JARID2: variants seen among roughly 807,000 people sequenced by gnomAD.
The protein encoded by JARID2 is protein Jumonji.
A neutral mutation model predicts 125.6 loss-of-function variants in JARID2; 21 were observed. That is an observed-to-expected ratio of 0.17 (90% confidence interval 0.12 to 0.24). The LOEUF is 0.24. Ranked by LOEUF, JARID2 falls within the 10% of genes least tolerant of loss-of-function variation. The pLI is 1.00. For missense variants in JARID2, 1,303 were observed against 1,639.6 expected (o/e 0.79, Z 3.55); for synonymous variants, 736 against 661.6 (o/e 1.11, Z -1.73).
intron 1 of JARID2, among the ~76,000 whole-genome samples, chr6:15,263,243 T>G (rs1007738175): frequency 1.3e-5 from 2 of 152,080 alleles, no homozygotes; most frequent in African/African-American, 4.8e-5. Context: ...TGTGCTGGAA[T>G]CATATGCTCC....
At chr6:15,497,812 G>T (rs1297661079) in intron 7 of JARID2, among the ~76,000 whole-genome samples, 2 of 152,130 alleles carry the variant, frequency 1.3e-5, no homozygotes, top group Non-Finnish European at 2.9e-5. Context: ...ATTCCACACT[G>T]GATTATAGAG....
chr6:15,433,572 G>A (rs1167130828), intron 3 of JARID2, among the ~76,000 whole-genome samples: 1 of 151,950 alleles, frequency 6.6e-6, no homozygotes, highest in Admixed American at 6.6e-5. Context: ...ATTTAATCTT[G>A]GATTTCCTTT....
intron 1 of JARID2, among the ~76,000 whole-genome samples, chr6:15,311,818 G>A (rs1210217196): frequency 6.7e-6 from 1 of 149,840 alleles, no homozygotes; most frequent in African/African-American, 2.5e-5. Flanking sequence ...AAGGGAGTTT[G>A]TATTGTAAAA....
At chr6:15,257,450 T>C (rs1480783989) in intron 1 of JARID2, among the ~76,000 whole-genome samples, 2 of 152,360 alleles carry the variant, frequency 1.3e-5, no homozygotes, top group East Asian at 3.9e-4. Context: ...TAACTTGTCA[T>C]GGTAATCAAA....
At chr6:15,421,173 A>G (rs6941859) in intron 3 of JARID2, among the ~76,000 whole-genome samples, 20,211 of 152,046 alleles carry the variant, frequency 0.13, 1,461 homozygotes, top group Middle Eastern at 0.18. Flanking sequence ...AGTGAGCTGG[A>G]GGGATCATTT....
intron 2 of JARID2, among the ~76,000 whole-genome samples, chr6:15,403,790 A>G (rs980442252): frequency 2.6e-5 from 4 of 152,158 alleles, no homozygotes; most frequent in Non-Finnish European, 5.9e-5. Flanking sequence ...TGATTTACAA[A>G]TCAGTATTTA....
chr6:15,516,488 C>T (rs1311884318), intron 16 of JARID2, among the ~76,000 whole-genome samples: 2 of 152,194 alleles, frequency 1.3e-5, no homozygotes, highest in African/African-American at 4.8e-5. Context: ...TGTCCACTGG[C>T]GGGACAGCTG....
chr6:15,381,081 C>T (rs1244933807), intron 2 of JARID2, among the ~76,000 whole-genome samples: 3 of 151,332 alleles, frequency 2.0e-5, no homozygotes, highest in African/African-American at 7.3e-5. Context: ...GGGCCGGGCG[C>T]GGTGGCTCAC....
At chr6:15,457,437 G>A (rs769846969) in intron 4 of JARID2, among the ~76,000 whole-genome samples, 1 of 152,140 alleles carries the variant, frequency 6.6e-6, no homozygotes, top group African/African-American at 2.4e-5. Context: ...ACCATAAAGA[G>A]CTCAGTCAGC....
intron 1 of JARID2, chr6:15,369,427 C>T (rs539796457): frequency 3.0e-6 from 1 of 332,750 alleles, no homozygotes; most frequent in Non-Finnish European, 6.3e-6. Context: ...GGAGCCATCA[C>T]TTCTCCTCTA....
rs182786268 is a variant in JARID2, at chr6:15,452,621, C to T, written c.493+446C>T. 2.6e-5 allele frequency among the ~76,000 whole-genome samples: 4 copies of T among 152,270 alleles called. No homozygotes were observed. In the East Asian group the frequency reaches 7.7e-4, roughly 29 times the overall value. ...ATGGTGATGAGGGACTTACGGTTCT[C>T]TCAGCCCTATATTACGTTAAGGAAA... On this transcript the variant is annotated intron_variant, in intron 4 of 17. Coordinates refer to ENST00000341776, the MANE Select transcript of JARID2 (RefSeq NM_004973.4).
chr6:15,260,538 G>A (rs894876818), intron 1 of JARID2, among the ~76,000 whole-genome samples: 1 of 152,094 alleles, frequency 6.6e-6, no homozygotes, highest in Non-Finnish European at 1.5e-5. Context: ...TGAAGAGGTC[G>A]GGAAATACTT....
Position 15,496,754 on chromosome 6 carries a change from G to A in JARID2, c.1529G>A (p.Gly510Asp), listed in dbSNP as rs749198181. 6.2e-7 allele frequency: 1 copy of A among 1,613,638 alleles called. No individual in the cohort carries two copies. Among genetic ancestry groups the A allele is most frequent in the African/African-American group, 1.3e-5 (1 of 75,074 alleles). Residue 510 changes from glycine to aspartate, a missense_variant, in exon 7 of 18, where the codon GGC (glycine) becomes GAC (aspartate). Transcript: ENST00000341776. ...KRATAGKSTP[G>D]RQAHGKADSA... ...GCCACGGCCGGGAAGAGCACGCCAG[G>A]CAGACAAGCACATGGCAAGGCGGAC...
chr6:15,438,307 C>A (rs1443220017), intron 3 of JARID2, among the ~76,000 whole-genome samples: 1 of 152,092 alleles, frequency 6.6e-6, no homozygotes, highest in Non-Finnish European at 1.5e-5. Context: ...CGGAAAGTTG[C>A]ATTATAAAGA....
rs548735719 is a variant in JARID2, at chr6:15,254,337, T to C, written c.45+7753T>C. Among the ~76,000 whole-genome samples the C allele has an allele frequency of 1.5e-4, 23 of 152,256 alleles. No homozygotes were observed. The South Asian group carries it at 3.9e-3, about 26-fold the overall frequency. On this transcript the variant is annotated intron_variant, in intron 1 of 17. Transcript: ENST00000341776. The stretch of plus-strand genomic sequence containing the variant: ...GAACCAGTTTGATTTCCCAGGGCTG[T>C]TGACTTTTTCTTGTACTTGTATCAT...
In JARID2 at chr6:15,487,500, C is replaced by G. The variant is rs746504663; in HGVS notation, c.864C>G (p.His288Gln). The change falls in exon 6 of 18, where the codon CAC becomes CAG. Residue 288 changes from histidine to glutamine, a missense_variant. His to Gln is a conservative substitution (Grantham distance 24, BLOSUM62 0). This residue lies in a region of JARID2 where 651 missense variants were observed against 581.6 expected (regional missense o/e 1.12). Coordinates refer to ENST00000341776, the MANE Select transcript of JARID2 (RefSeq NM_004973.4). Reference protein sequence around the residue: ...SSAKGLAATHHHPPLHRSAQD... With the variant: ...SSAKGLAATHQHPPLHRSAQD... Reference sequence around the variant, plus strand: ...CCAAGGGGCTTGCTGCCACCCATCACCACCCCCCTCTGCATCGGTCGGCTC... The same window carrying G: ...CCAAGGGGCTTGCTGCCACCCATCAGCACCCCCCTCTGCATCGGTCGGCTC... The G allele has an allele frequency of 4.3e-6, 7 of 1,613,866 alleles. No individual in the cohort carries two copies. The African/African-American group carries it at 8.0e-5, about 18-fold the overall frequency.
chr6:15,272,506 CT>C (rs1434533785), intron 1 of JARID2, among the ~76,000 whole-genome samples: 1 of 152,220 alleles, frequency 6.6e-6, no homozygotes, highest in Non-Finnish European at 1.5e-5. Context: ...ACCCTAAATG[CT>C]TTACACAGAC....
At chr6:15,410,674 A>G (rs1035998116) in intron 3 of JARID2, among the ~76,000 whole-genome samples, 4 of 152,242 alleles carry the variant, frequency 2.6e-5, no homozygotes, top group African/African-American at 9.6e-5. Context: ...AGCAGCAGCC[A>G]TCTTGAGGAA....
chr6:15,338,660 C>G (rs192349796), intron 1 of JARID2, among the ~76,000 whole-genome samples: 2,233 of 144,224 alleles, frequency 0.015, 25 homozygotes, highest in Non-Finnish European at 0.022. Flanking sequence ...GGAACCAGCT[C>G]CCTCTAGCCC....
Sources: allele counts gnomAD v4.1 joint callset (sites outside exome capture counted in the v4.1 genomes callset), GRCh38; gene constraint gnomAD v4.1.1; regional missense constraint gnomAD v4.1.1; transcripts MANE v1.5; gene names NCBI Gene and HGNC (gene_info 2026-07-23, HGNC 2026-07-21).